The following TINF2 variants were observed in gnomAD, a reference collection of about 807,000 sequenced individuals.
TINF2 encodes the protein TERF1 interacting nuclear factor 2.
TINF2 carries 27 observed loss-of-function variants against 50.4 expected under a neutral mutation model. That is an observed-to-expected ratio of 0.54 (90% CI 0.40 to 0.74). The LOEUF (loss-of-function observed/expected upper bound fraction) is 0.74. Among genes scored for constraint, TINF2 ranks in the 30% least tolerant of loss-of-function variants. The pLI is 0.00. For synonymous variants in TINF2, 223 were observed against 214.6 expected (o/e 1.04, Z -0.34); for missense variants, 496 against 551.5 (o/e 0.90, Z 1.01).
intron 3 of TINF2, 63 bp from the exon 4 acceptor site, chr14:24,241,374 A>T: frequency 1.3e-6 from 2 of 1,541,602 alleles, no homozygotes; most frequent in Non-Finnish European, 1.8e-6. Flanking sequence ...TCACGCCTGT[A>T]ATCCTGGCCA....
At chr14:24,241,817 C>G in intron 2 of TINF2, 41 bp from the exon 3 acceptor site, 2 of 1,613,010 alleles carry the variant, frequency 1.2e-6, no homozygotes, top group Admixed American at 1.7e-5. Context: ...GCACCAACAT[C>G]CAGTAGACAG....
rs1307179897 is a variant in TINF2 at position 24,241,692 on chromosome 14, A to G, written c.382T>C (p.Leu128=). 1.9e-6 allele frequency: 3 copies of G among 1,612,358 alleles called. No homozygotes were observed. In the Admixed American group the frequency reaches 5.0e-5, roughly 27 times the overall value. Residue 128 remains leucine (L), a synonymous_variant, in exon 3 of 9, where the codon TTG becomes CTG. Coordinates refer to ENST00000267415, the MANE Select transcript of TINF2 (RefSeq NM_001099274.3). ...AGTCTCACCTGCAGCTTCGAGGCCA[A>G]ATCCACAGGAGCCTCTGACAGCTGC... The part of the protein sequence containing the change: ...VKQLSEAPVD[L]ASKLQELEQE...
At chr14:24,241,810 C>T (rs769995631) in intron 2 of TINF2, 34 bp from the exon 3 acceptor site, 2 of 1,613,362 alleles carry the variant, frequency 1.2e-6, no homozygotes, top group Non-Finnish European at 1.7e-6. Context: ...GAAGTTAGCA[C>T]CAACATCCAG....
intron 5 of TINF2, 42 bp downstream of exon 5, chr14:24,240,978 A>G (rs757349842): frequency 1.2e-6 from 2 of 1,614,018 alleles, no homozygotes; most frequent in Non-Finnish European, 1.7e-6. Flanking sequence ...GACTGCCTCA[A>G]AAGGTCTCAG....
At position 24,239,722 on chromosome 14, in the gene TINF2, C is replaced by G; in HGVS notation, c.*75G>C. On this transcript the variant is annotated 3_prime_UTR_variant, in exon 9 of 9. Coordinates refer to ENST00000267415, the MANE Select transcript of TINF2 (RefSeq NM_001099274.3). ...AGTTAGGCAATCCAAGCCTGGACTT[C>G]CACTTCATTCCTACTAAACTACTTG... 1.2e-6 allele frequency: 2 copies of G among 1,613,500 alleles called. No individual in the cohort carries two copies. Among genetic ancestry groups the G allele is most frequent in the Non-Finnish European group, 1.7e-6 (2 of 1,179,890 alleles).
rs1343222380 is a variant in TINF2 at position 24,240,279 on chromosome 14, A to G, written c.1113T>C (p.Pro371=). 2 of 1,613,882 alleles carry G rather than the reference A, an allele frequency of 1.2e-6. No individual in the cohort carries two copies. The highest frequency in any genetic ancestry group is 8.5e-7 in the Non-Finnish European group (1 of 1,179,918). Residue 371 remains proline, a synonymous_variant, in exon 7 of 9, where the codon CCT becomes CCC. Transcript: ENST00000267415. ...ACTACCTACCTGGCTTCCTGGCCCT[A>G]GGAGGTAATAATGATAGTCTCAGGG... ...MDPLRLSLLP[P]RARKPVCPPS... is the part of the protein sequence containing the mutation.
rs778901910 is a variant in TINF2, at chr14:24,241,666, C to T, written c.399+9G>A. On this transcript the variant is annotated intron_variant, in intron 3 of 8. Coordinates refer to ENST00000267415, the MANE Select transcript of TINF2 (RefSeq NM_001099274.3). ...AATAGCCACATAATAGCCTTCAAAC[C>T]AGTCTCACCTGCAGCTTCGAGGCCA... The T allele has an allele frequency of 4.4e-6, 7 of 1,604,786 alleles. No individual in the cohort carries two copies. Among genetic ancestry groups the T allele is most frequent in the Non-Finnish European group, 5.1e-6 (6 of 1,174,182 alleles).
At position 24,242,411 on chromosome 14, in the gene TINF2, G is replaced by T. The variant is rs2040601519; in HGVS notation, c.-79C>A. 1 of 1,510,894 alleles carries T rather than the reference G, an allele frequency of 6.6e-7. No homozygotes were observed. Among genetic ancestry groups the T allele is most frequent in the African/African-American group, 1.4e-5 (1 of 71,226 alleles). 93.6% of individuals were successfully genotyped at this position (1,510,894 alleles called of 1,614,324 possible). A position where few individuals can be genotyped will look rare whatever the true frequency, so the allele number is the denominator to read the frequency against. On this transcript the variant is annotated 5_prime_UTR_variant, in exon 1 of 9. Coordinates refer to ENST00000267415, the MANE Select transcript of TINF2 (RefSeq NM_001099274.3). ...TGAGGCTTTCCGATCACTCCTAGGG[G>T]CGGGGCTTCTGGCAACTCCCTGTCG...
intron 5 of TINF2, 50 bp from the exon 6 acceptor site, chr14:24,240,925 T>G: frequency 6.2e-7 from 1 of 1,613,992 alleles, no homozygotes; most frequent in Non-Finnish European, 8.5e-7. Flanking sequence ...AGTAACAGAA[T>G]AACTGGTTTC....
intron 5 of TINF2, 67 bp downstream of exon 5, chr14:24,240,952 TG>T: frequency 6.2e-7 from 1 of 1,613,836 alleles, no homozygotes; most frequent in Non-Finnish European, 8.5e-7. Flanking sequence ...CCGGAGCCCA[TG>T]GAACTATTCC....
rs756840009 is a variant in TINF2 at position 24,239,862 on chromosome 14, G to C, written c.1291C>G (p.Pro431Ala). The stretch of plus-strand genomic sequence containing the variant: ...ACAGGTATGGCACCGTGGCCAGAAG[G>C]GGGTAGGTATTCACAGAGAGTGGGT... Reference protein sequence around the residue: ...LIPTLCEYLPPSGHGAIPVSS... With the variant: ...LIPTLCEYLPASGHGAIPVSS... Residue 431 changes from proline (P) to alanine (A), a missense_variant, in exon 9 of 9, where the codon CCT becomes GCT. Around this residue, in one of 3 missense-constraint regions of TINF2, gnomAD observed 179 missense variants for 188.3 expected, o/e 0.95. Transcript: ENST00000267415. 5 of 1,614,182 alleles carry C rather than the reference G, an allele frequency of 3.1e-6. No homozygotes were observed. Among genetic ancestry groups the C allele is most frequent in the South Asian group, 2.2e-5 (2 of 91,076 alleles).
chr14:24,240,912 G>A, intron 5 of TINF2, 37 bp from the exon 6 acceptor site: 11 of 1,614,124 alleles, frequency 6.8e-6, no homozygotes, highest in Non-Finnish European at 9.3e-6. Flanking sequence ...AAAGAGAACA[G>A]ATAGTAACAG....
intron 7 of TINF2, 47 bp downstream of exon 7, chr14:24,240,216 C>T: frequency 6.2e-7 from 1 of 1,613,884 alleles, no homozygotes; most frequent in South Asian, 1.1e-5. Context: ...TCTTGAGAGT[C>T]CCCAAGAGAG....
Position 24,239,649 on chromosome 14 carries a change from CA to C in TINF2, c.*147del, listed in dbSNP as rs760142379. 23 of 1,544,848 alleles carry C rather than the reference CA, an allele frequency of 1.5e-5. No homozygotes were observed. The Admixed American group carries it at 1.8e-4, about 12-fold the overall frequency. On this transcript the variant is annotated 3_prime_UTR_variant, in exon 9 of 9. Coordinates refer to ENST00000267415, the MANE Select transcript of TINF2 (RefSeq NM_001099274.3). ...CCTTCACATCAAGGCAGTATTTTAACAAATCCAAAGTTTAATTATTAAGGAT... is the reference window on the plus strand; with the variant it reads ...CCTTCACATCAAGGCAGTATTTTAACAATCCAAAGTTTAATTATTAAGGAT...
Position 24,241,764 on chromosome 14 carries a change from G to T in TINF2, c.310C>A (p.Leu104Met), listed in dbSNP as rs1447008325. Residue 104 changes from leucine to methionine, a missense_variant, in exon 3 of 9, where the codon CTG (leucine) becomes ATG (methionine). By Grantham distance (15) the Leu-to-Met change is conservative. This residue lies in a region of TINF2 where 314 missense variants were observed against 343.8 expected (regional missense o/e 0.91). Transcript: ENST00000267415. ...VRDPKATKQD[L>M]RKILEAQETF... ...TCCTGTGCCTCCAAAATCTTCCTCA[G>T]ATCCTGCTTTGTCTGTTGAGGATAC... The T allele has an allele frequency of 1.2e-6, 2 of 1,613,740 alleles. No individual in the cohort carries two copies. The highest frequency in any genetic ancestry group is 4.5e-5 in the East Asian group (2 of 44,906).
chr14:24,240,594 G>A lies in TINF2; in HGVS notation c.886C>T (p.Pro296Ser). 6.2e-7 allele frequency: 1 copy of A among 1,614,188 alleles called. No individual in the cohort carries two copies. Among genetic ancestry groups the A allele is most frequent in the Non-Finnish European group, 8.5e-7 (1 of 1,180,036 alleles). Residue 296 changes from proline to serine, a missense_variant, in exon 6 of 9, where the codon CCA becomes TCA. This residue lies in a region of TINF2 where 179 missense variants were observed against 188.3 expected (regional missense o/e 0.95). Transcript: ENST00000267415. Reference sequence around the variant, plus strand: ...TCAGGCTTAGATATGACCTGGGTTGGTGAGCCGAGATTCCTAAAGGGAAAC... The same window carrying A: ...TCAGGCTTAGATATGACCTGGGTTGATGAGCCGAGATTCCTAAAGGGAAAC... ...MLFPFRNLGS[P>S]TQVISKPESK...
Position 24,241,099 on chromosome 14 carries a change from A to C in TINF2, c.525T>G (p.Ser175Arg), listed in dbSNP as rs1282591027. 3 of 1,614,030 alleles carry C rather than the reference A, an allele frequency of 1.9e-6. No individual in the cohort carries two copies. In the African/African-American group the frequency reaches 4.0e-5, roughly 22 times the overall value. Residue 175 changes from serine to arginine, a missense_variant, in exon 5 of 9, where the codon AGT becomes AGG. Transcript: ENST00000267415. ...PQAQQLQDVL[S>R]WMQPGVSITS... ...TGATAGAGACTCCAGGCTGCATCCAACTCAGCACATCCTGAAGCTGTGGGC... is the reference window on the plus strand; with the variant it reads ...TGATAGAGACTCCAGGCTGCATCCACCTCAGCACATCCTGAAGCTGTGGGC...
Position 24,242,598 on chromosome 14 carries a change from C to A in TINF2, c.-266G>T. 1 of 1,319,182 alleles carries A rather than the reference C, an allele frequency of 7.6e-7. No individual in the cohort carries two copies. The highest frequency in any genetic ancestry group is 9.7e-7 in the Non-Finnish European group (1 of 1,033,570). The allele number at this position is 1,319,182 out of a possible 1,614,324, so 81.7% of individuals were successfully genotyped here. ...TGGGTCGCTCAGCTTTAAACGTCGC[C>A]GCTGTCTCGAGCCCGAGGGTGCCTC... On this transcript the variant is annotated 5_prime_UTR_variant, in exon 1 of 9. Transcript: ENST00000267415.
rs374008344 is a variant in TINF2, at chr14:24,240,063, C to G, written c.1221+1G>C. 3.7e-6 allele frequency: 6 copies of G among 1,614,042 alleles called. No homozygotes were observed. Among genetic ancestry groups the G allele is most frequent in the Admixed American group, 1.7e-5 (1 of 59,996 alleles). Reference sequence around the variant, plus strand: ...CCAGCTTTCTGCTCCTTCCCACTCACCTTTCCTTCCCCCTGGCCATTTTCT... The same window carrying G: ...CCAGCTTTCTGCTCCTTCCCACTCAGCTTTCCTTCCCCCTGGCCATTTTCT... On this transcript the variant is annotated splice_donor_variant, in intron 8 of 8. Transcript: ENST00000267415. LOFTEE classifies it high-confidence loss of function.
Sources: allele counts gnomAD v4.1 joint callset, GRCh38; gene constraint gnomAD v4.1.1; regional missense constraint gnomAD v4.1.1; transcripts MANE v1.5; gene names NCBI Gene and HGNC (gene_info 2026-07-23, HGNC 2026-07-21).